TMPO: variants seen among roughly 807,000 people sequenced by gnomAD.
The protein encoded by TMPO is thymopoietin.
Under a neutral mutation model 45.4 loss-of-function variants are expected in TMPO, and 22 were observed. That is an observed-to-expected ratio of 0.48 (90% confidence interval 0.35 to 0.69). The LOEUF (loss-of-function observed/expected upper bound fraction) is 0.69, where lower values mean the gene tolerates loss of function less well. Ranked by LOEUF, TMPO falls within the 30% of genes least tolerant of loss-of-function variation. TMPO has a pLI of 0.01. For synonymous variants in TMPO, 241 were observed against 204.1 expected, an observed-to-expected ratio of 1.18 and a Z score of -1.54; for missense variants, 512 against 548.8, an observed-to-expected ratio of 0.93 and a Z score of 0.67.
At chr12:98,536,521 T>C (rs1877575972) in intron 3 of TMPO, among the ~76,000 whole-genome samples, 1 of 152,072 alleles carries the variant, frequency 6.6e-6, no homozygotes, top group South Asian at 2.1e-4. Flanking sequence ...CCCTGGCTAA[T>C]GTTTGTATTT....
chr12:98,529,179 G>C (rs540325638), intron 2 of TMPO, among the ~76,000 whole-genome samples: 2 of 151,102 alleles, frequency 1.3e-5, no homozygotes, highest in South Asian at 4.2e-4. Context: ...TCAGCTTCCC[G>C]AATAGCTGGG....
chr12:98,531,969 T>A (rs1877227043), intron 3 of TMPO, 131 bp downstream of exon 3: 1 of 701,834 alleles, frequency 1.4e-6, no homozygotes, highest in Non-Finnish European at 2.3e-6. Context: ...ATTAGAGTAA[T>A]TCTGTAATTT....
intron 4 of TMPO, among the ~76,000 whole-genome samples, chr12:98,539,741 T>A (rs1271547370): frequency 6.6e-6 from 1 of 152,212 alleles, no homozygotes; most frequent in Non-Finnish European, 1.5e-5. Context: ...CCCAGATTGC[T>A]GGGATTACAG....
At chr12:98,521,951 C>G (rs1876402980) in intron 1 of TMPO, among the ~76,000 whole-genome samples, 1 of 152,010 alleles carries the variant, frequency 6.6e-6, no homozygotes, top group Non-Finnish European at 1.5e-5. Context: ...CGGTCTCAAA[C>G]TCCTTCCTGA....
At chr12:98,520,580 C>T (rs1189312321) in intron 1 of TMPO, among the ~76,000 whole-genome samples, 3 of 151,996 alleles carry the variant, frequency 2.0e-5, no homozygotes, top group African/African-American at 7.2e-5. Context: ...GCTGGAATTA[C>T]AGGAGTGAGC....
chr12:98,547,338 G>C (rs1878285586), intron 8 of TMPO, among the ~76,000 whole-genome samples: 1 of 152,172 alleles, frequency 6.6e-6, no homozygotes, highest in Non-Finnish European at 1.5e-5. Context: ...GCCTCCCAAA[G>C]TGCTGGGATT....
chr12:98,544,843 C>G (rs372591285), intron 6 of TMPO, 108 bp from the exon 7 acceptor site: 13 of 949,904 alleles, frequency 1.4e-5, no homozygotes, highest in African/African-American at 1.3e-4. Context: ...TAAATCTTTA[C>G]TAAGGGAAAA....
intron 3 of TMPO, chr12:98,533,842 C>G: frequency 6.2e-7 from 1 of 1,614,224 alleles, no homozygotes; most frequent in Non-Finnish European, 8.5e-7. Flanking sequence ...GGAGGCAACA[C>G]AGATATTATC....
At chr12:98,539,012 C>G (rs891529974) in intron 4 of TMPO, among the ~76,000 whole-genome samples, 10 of 151,928 alleles carry the variant, frequency 6.6e-5, no homozygotes, top group Non-Finnish European at 1.5e-4. Context: ...ACGAGCCTGA[C>G]CAACATGGAG....
intron 2 of TMPO, 146 bp from the exon 3 acceptor site, chr12:98,531,534 C>T (rs975513092): frequency 2.7e-5 from 23 of 863,992 alleles, no homozygotes; most frequent in East Asian, 2.4e-4. Context: ...TATGTCTGGC[C>T]GCATTATATG....
chr12:98,533,412 G>A lies in TMPO; in HGVS notation c.565+1574G>A, dbSNP rs756784841. 7.4e-6 allele frequency: 12 copies of A among 1,614,046 alleles called. No individual in the cohort carries two copies. The African/African-American group carries it at 1.2e-4, about 16-fold the overall frequency. Reference sequence around the variant, plus strand: ...TCAGAGATTATGTCAATTCTCTGTTGGTCCAGGGTGGGGTAGGTAGTTTGC... The same window carrying A: ...TCAGAGATTATGTCAATTCTCTGTTAGTCCAGGGTGGGGTAGGTAGTTTGC... On this transcript the variant is annotated intron_variant, in intron 3 of 8. Transcript: ENST00000556029.
intron 3 of TMPO, chr12:98,533,772 A>G (rs779045244): frequency 6.2e-7 from 1 of 1,614,240 alleles, no homozygotes; most frequent in Non-Finnish European, 8.5e-7. Context: ...TTGAAGAAGA[A>G]TGGCAGCAAG....
chr12:98,546,136 G>A (rs1342440445), intron 7 of TMPO, among the ~76,000 whole-genome samples: 1 of 152,190 alleles, frequency 6.6e-6, no homozygotes, highest in Non-Finnish European at 1.5e-5. Flanking sequence ...ATGTGTGGCA[G>A]TTTTTCACTC....
At chr12:98,543,849 AATAG>A (rs1878065475) in intron 4 of TMPO, among the ~76,000 whole-genome samples, 1 of 152,240 alleles carries the variant, frequency 6.6e-6, no homozygotes, top group Non-Finnish European at 1.5e-5. Context: ...ACTGACTTAT[AATAG>A]ATGACTTTTT....
chr12:98,533,472 A>T (rs775400363), intron 3 of TMPO: 18 of 1,614,074 alleles, frequency 1.1e-5, no homozygotes, highest in Non-Finnish European at 5.1e-6. Flanking sequence ...CACTGGATGT[A>T]GAAAACATAC....
chr12:98,515,861 C>G lies in TMPO; in HGVS notation c.-7C>G. 3.7e-6 allele frequency: 6 copies of G among 1,611,452 alleles called. No individual in the cohort carries two copies. Among genetic ancestry groups the G allele is most frequent in the South Asian group, 1.1e-5 (1 of 90,760 alleles). ...GCTGTGGGGAGGGGGCTTCGCAGATCCCCGAGATGCCGGAGTTCCTGGAAG... is the reference window on the plus strand; with the variant it reads ...GCTGTGGGGAGGGGGCTTCGCAGATGCCCGAGATGCCGGAGTTCCTGGAAG... On this transcript the variant is annotated 5_prime_UTR_variant, in exon 1 of 9. The change creates a new upstream start codon in the 5' untranslated region. Coordinates refer to ENST00000556029, the MANE Select transcript of TMPO (RefSeq NM_001032283.3).
Position 98,524,541 on chromosome 12 carries a change from C to G in TMPO, c.280-3345C>G, listed in dbSNP as rs145188369. On this transcript the variant is annotated intron_variant, in intron 1 of 8. Transcript: ENST00000556029. ...CAAGGCAAGATGGCGCTACTGCACT[C>G]CAGCCTGGGCGAGAGAGTTAAGAGA... is the stretch of plus-strand genomic sequence containing the variant. Among the ~76,000 whole-genome samples, 47 of 151,936 alleles carry G rather than the reference C, an allele frequency of 3.1e-4. 1 individual carries two copies. Among genetic ancestry groups the G allele is most frequent in the African/African-American group, 1.1e-3 (45 of 41,436 alleles).
intron 3 of TMPO, among the ~76,000 whole-genome samples, chr12:98,537,232 ATAGG>A (rs1393948242): frequency 1.3e-5 from 2 of 152,232 alleles, no homozygotes; most frequent in Admixed American, 6.5e-5. Context: ...GGAAAGGAGA[ATAGG>A]TAGGAAGAAG....
At position 98,533,097 on chromosome 12, in the gene TMPO, C is replaced by G. The variant is rs1265369348; in HGVS notation, c.565+1259C>G. 5 of 1,614,026 alleles carry G rather than the reference C, an allele frequency of 3.1e-6. No individual in the cohort carries two copies. The highest frequency in any genetic ancestry group is 4.2e-6 in the Non-Finnish European group (5 of 1,179,924). ...CTGAAAGGAATTTGTTTATTTCATG[C>G]AAGTCTAGCCATGATAGGTGTTTAG... On this transcript the variant is annotated intron_variant, in intron 3 of 8. Transcript: ENST00000556029.
Sources: allele counts gnomAD v4.1 joint callset (sites outside exome capture counted in the v4.1 genomes callset), GRCh38; gene constraint gnomAD v4.1.1; transcripts MANE v1.5; gene names NCBI Gene and HGNC (gene_info 2026-07-23, HGNC 2026-07-21).